Variants in PRMT2 observed in about 807,000 individuals in gnomAD.
PRMT2 encodes protein arginine methyltransferase 2.
PRMT2 carries 26 observed loss-of-function variants against 57.6 expected under a neutral mutation model. The observed-to-expected ratio is 0.45, with a 90% CI of 0.33 to 0.63. The LOEUF (loss-of-function observed/expected upper bound fraction) is 0.63, where lower values mean the gene tolerates loss of function less well. Ranked by LOEUF, PRMT2 falls within the 20% of genes least tolerant of loss-of-function variation. PRMT2 has a pLI of 0.02. For missense variants in PRMT2, 472 were observed against 564.4 expected, an observed-to-expected ratio of 0.84 and a Z score of 1.66; for synonymous variants, 219 against 220.0, an observed-to-expected ratio of 1.00 and a Z score of 0.04.
Position 46,643,563 on chromosome 21 carries a change from C to T in PRMT2, c.68C>T (p.Ala23Val), listed in dbSNP as rs780011499. Residue 23 changes from alanine (A) to valine (V), a missense_variant, in exon 4 of 12, where the codon GCC becomes GTC. By Grantham distance (64) the Ala-to-Val change is moderately conservative. Around this residue, in one of 2 missense-constraint regions of PRMT2, gnomAD observed 243 missense variants for 347.2 expected, o/e 0.70. Transcript: ENST00000355680. ...QGEEPAECSEAGLLQEGVQPE... is the reference protein window; with the variant it reads ...QGEEPAECSEVGLLQEGVQPE... ...GAAGAGCCTGCTGAGTGCAGTGAGGCCGGTCTCCTGCAGGAGGGAGTACAG... is the reference window on the plus strand; with the variant it reads ...GAAGAGCCTGCTGAGTGCAGTGAGGTCGGTCTCCTGCAGGAGGGAGTACAG... 53 of 1,606,940 alleles carry T rather than the reference C, an allele frequency of 3.3e-5. No individual in the cohort carries two copies. The highest frequency in any genetic ancestry group is 4.0e-5 in the Non-Finnish European group (47 of 1,177,674).
chr21:46,636,898 A>G lies in PRMT2; in HGVS notation c.-54A>G. ...TCTCCTTCTCTTTTTAAAAGTAGAA[A>G]TGGAAAAGAAAATGAAATAAATCAG... is the stretch of plus-strand genomic sequence containing the variant. On this transcript the variant is annotated splice_region_variant and 5_prime_UTR_variant, in exon 3 of 12. An upstream start codon of the reference 5' UTR is lost. Transcript: ENST00000355680. The G allele has an allele frequency of 1.3e-6, 2 of 1,569,810 alleles. No homozygotes were observed. The highest frequency in any genetic ancestry group is 1.7e-6 in the Non-Finnish European group (2 of 1,151,488).
rs771985217 is a variant in PRMT2, at chr21:46,648,512, G to T, written c.382G>T (p.Val128Phe). 4.1e-5 allele frequency: 66 copies of T among 1,614,114 alleles called. No individual in the cohort carries two copies. The highest frequency in any genetic ancestry group is 5.3e-5 in the Non-Finnish European group (62 of 1,180,048). ...DQPRTTKYHS[V>F]ILQNKESLTD... ...GCCACGAACAACTAAATACCACAGT[G>T]TCATCCTGCAGAATAAAGAATCCCT... The change falls in exon 6 of 12, where the codon GTC becomes TTC. Residue 128 changes from valine (V) to phenylalanine (F), a missense_variant. Physicochemically the swap from Val to Phe is conservative, Grantham distance 50 (BLOSUM62 -1). Around this residue, in one of 2 missense-constraint regions of PRMT2, gnomAD observed 243 missense variants for 347.2 expected, o/e 0.70. Coordinates refer to ENST00000355680, the MANE Select transcript of PRMT2 (RefSeq NM_206962.4). This position sits in a 1 kb window ranked among gnomAD's most constrained non-coding sequence, Gnocchi z 4.8.
At chr21:46,662,230 G>A (rs1349375202) in intron 10 of PRMT2, among the ~76,000 whole-genome samples, 1 of 152,222 alleles carries the variant, frequency 6.6e-6, no homozygotes, top group East Asian at 1.9e-4. Context: ...CCCGCGAGGA[G>A]CACCACAGCT....
In PRMT2 at chr21:46,661,847, G is replaced by GC. The variant is rs776045595; in HGVS notation, c.1009dup (p.His337ProfsTer8). On this transcript the variant is annotated frameshift_variant, in exon 10 of 12. Transcript: ENST00000355680. LOFTEE classifies it high-confidence loss of function. ...TCGACATCAGGAAGGCGGGGACCCT[G>GC]CACGGCTTCACGGCCTGGTTTAGCG... is the stretch of plus-strand genomic sequence containing the variant. 1 of 1,514,688 alleles carries GC rather than the reference G, an allele frequency of 6.6e-7. No individual in the cohort carries two copies. Among genetic ancestry groups the GC allele is most frequent in the Non-Finnish European group, 8.9e-7 (1 of 1,126,486 alleles). The allele number at this position is 1,514,688 out of a possible 1,614,324, so 93.8% of individuals were successfully genotyped here. A position where few individuals can be genotyped will look rare whatever the true frequency, so the allele number is the denominator to read the frequency against.
chr21:46,637,748 TATATATGTGTGTGTATATAC>T (rs1406904427), intron 3 of PRMT2, among the ~76,000 whole-genome samples: 2 of 151,736 alleles, frequency 1.3e-5, no homozygotes, highest in African/African-American at 2.4e-5. Context: ...CATTAAGCTA[TATATATGTGTGTGTATATAC>T]ATATATGTGT....
chr21:46,645,159 C>T (rs547160015), intron 5 of PRMT2, among the ~76,000 whole-genome samples: 14 of 26,074 alleles, frequency 5.4e-4, no homozygotes, highest in Non-Finnish European at 7.8e-4. Context: ...CCCAGCTACT[C>T]GAGAGGCTGA....
At chr21:46,637,216 C>T (rs2061189225) in intron 3 of PRMT2, among the ~76,000 whole-genome samples, 1 of 152,190 alleles carries the variant, frequency 6.6e-6, no homozygotes, top group Non-Finnish European at 1.5e-5. Flanking sequence ...TACTTAGCCC[C>T]AAAACATCAG....
intron 3 of PRMT2, among the ~76,000 whole-genome samples, chr21:46,642,713 G>A (rs542812456): frequency 2.0e-5 from 3 of 152,164 alleles, no homozygotes; most frequent in Non-Finnish European, 2.9e-5. Flanking sequence ...ATGTCTTCCA[G>A]GCAAGCTTAT....
intron 4 of PRMT2, among the ~76,000 whole-genome samples, chr21:46,644,090 A>T (rs1430877749): frequency 2.6e-5 from 4 of 152,164 alleles, no homozygotes; most frequent in Non-Finnish European, 5.9e-5. Flanking sequence ...CTTTTAAAAA[A>T]TATCTGTTAA....
At chr21:46,651,995 T>G in intron 7 of PRMT2, 1 of 1,613,322 alleles carries the variant, frequency 6.2e-7, no homozygotes, top group East Asian at 2.2e-5. Flanking sequence ...CTGGCCCATC[T>G]TCCTACTCTG....
At position 46,663,243 on chromosome 21, in the gene PRMT2, C is replaced by T. The variant is rs78228293; in HGVS notation, c.1098-140C>T. On this transcript the variant is annotated intron_variant, in intron 10 of 11. Coordinates refer to ENST00000355680, the MANE Select transcript of PRMT2 (RefSeq NM_206962.4). ...AGCCTGAAAAGCCAAGCTTTGTGTC[C>T]CCAGGCCCTCAGGGTGGACTGCCGG... 1,576 of 747,654 alleles carry T rather than the reference C, an allele frequency of 2.1e-3. 18 individuals are homozygous for T. In the African/African-American group the frequency reaches 0.025, roughly 12 times the overall value. 46.3% of individuals were successfully genotyped at this position (747,654 alleles called of 1,614,324 possible).
At position 46,663,322 on chromosome 21, in the gene PRMT2, G is replaced by A. The variant is rs1399487535; in HGVS notation, c.1098-61G>A. The A allele has an allele frequency of 3.3e-6, 5 of 1,527,336 alleles. No individual in the cohort carries two copies. In the Admixed American group the frequency reaches 5.4e-5, roughly 16 times the overall value. The allele number at this position is 1,527,336 out of a possible 1,614,324, so 94.6% of individuals were successfully genotyped here. On this transcript the variant is annotated intron_variant, in intron 10 of 11. Coordinates refer to ENST00000355680, the MANE Select transcript of PRMT2 (RefSeq NM_206962.4). ...CAGTGCGAGCCTGAGTCAGCGCCCCGAGGGCCATGTGGAGACTGCCCTAGC... is the reference window on the plus strand; with the variant it reads ...CAGTGCGAGCCTGAGTCAGCGCCCCAAGGGCCATGTGGAGACTGCCCTAGC...
chr21:46,655,238 C>T (rs529806532), intron 7 of PRMT2, among the ~76,000 whole-genome samples: 209 of 152,166 alleles, frequency 1.4e-3, no homozygotes, highest in African/African-American at 4.9e-3. Context: ...ATACCAAAAC[C>T]AATGTTAACA....
At chr21:46,643,500 C>A in intron 3 of PRMT2, 35 bp from the exon 4 acceptor site, 1 of 1,420,440 alleles carries the variant, frequency 7.0e-7, no homozygotes, top group South Asian at 1.7e-5. Flanking sequence ...AAAGCTCCAG[C>A]GTCCTCTCCT....
chr21:46,650,780 C>T (rs1404151452), intron 7 of PRMT2, among the ~76,000 whole-genome samples: 4 of 152,138 alleles, frequency 2.6e-5, no homozygotes, highest in African/African-American at 9.7e-5. Flanking sequence ...TCCGGCTGTG[C>T]CCTGGATTGG....
chr21:46,649,424 T>G lies in PRMT2; in HGVS notation c.490-151T>G. On this transcript the variant is annotated intron_variant, in intron 6 of 11. Coordinates refer to ENST00000355680, the MANE Select transcript of PRMT2 (RefSeq NM_206962.4). This position sits in a 1 kb window ranked among gnomAD's most constrained non-coding sequence, Gnocchi z 4.8. ...TTCTGGGTGCCCCTGGAGGGGCAGG[T>G]GTGGCCAGTCCTCGCTGCCTCTGCT... 2 of 1,224,566 alleles carry G rather than the reference T, an allele frequency of 1.6e-6. No individual in the cohort carries two copies. Among genetic ancestry groups the G allele is most frequent in the Non-Finnish European group, 1.2e-6 (1 of 852,190 alleles). 75.9% of individuals were successfully genotyped at this position (1,224,566 alleles called of 1,614,324 possible). A position where few individuals can be genotyped will look rare whatever the true frequency, so the allele number is the denominator to read the frequency against.
At chr21:46,661,667 C>T in intron 9 of PRMT2, 133 bp from the exon 10 acceptor site, 2 of 977,518 alleles carry the variant, frequency 2.0e-6, no homozygotes, top group Non-Finnish European at 2.6e-6. Context: ...GGTGGTTTCC[C>T]CAGGCTGGGG....
At chr21:46,652,044 T>C (rs1323013505) in intron 7 of PRMT2, 3 of 1,611,446 alleles carry the variant, frequency 1.9e-6, no homozygotes, top group Non-Finnish European at 2.5e-6. Flanking sequence ...CAGAGAAGAG[T>C]GCATGTGCGT....
At position 46,648,786 on chromosome 21, in the gene PRMT2, AGT is replaced by A. The variant is rs2061404711; in HGVS notation, c.489+169_489+170del. Among the ~76,000 whole-genome samples the A allele has an allele frequency of 6.6e-6, 1 of 152,192 alleles. No individual in the cohort carries two copies. The highest frequency in any genetic ancestry group is 6.5e-5 in the Admixed American group (1 of 15,280). ...TGGGGCTCAGGGTCGGTAAAATAGC[AGT>A]GCGTGGAGACCGCGTGCTAGAGGCC... On this transcript the variant is annotated intron_variant, in intron 6 of 11. Transcript: ENST00000355680. The surrounding 1 kb of genome is among the most constrained non-coding windows in gnomAD (Gnocchi z 4.8).
Sources: allele counts gnomAD v4.1 joint callset (sites outside exome capture counted in the v4.1 genomes callset), GRCh38; gene constraint gnomAD v4.1.1; regional missense constraint gnomAD v4.1.1; non-coding constraint Gnocchi (gnomAD v3.1); transcripts MANE v1.5; gene names NCBI Gene and HGNC (gene_info 2026-07-23, HGNC 2026-07-21).